DPP6: variants seen among roughly 807,000 people sequenced by gnomAD.
The protein encoded by DPP6 is A-type potassium channel modulatory protein DPP6.
Under a neutral mutation model 122.6 loss-of-function variants are expected in DPP6, and 69 were observed. The observed-to-expected ratio is 0.56, with a 90% confidence interval of 0.46 to 0.69. The LOEUF (loss-of-function observed/expected upper bound fraction) is 0.69. Ranked by LOEUF, DPP6 falls within the 30% of genes least tolerant of loss-of-function variation. The pLI is 0.00. For synonymous variants in DPP6, 418 were observed against 433.1 expected, an observed-to-expected ratio of 0.97 and a Z score of 0.43; for missense variants, 928 against 1,116.9, an observed-to-expected ratio of 0.83 and a Z score of 2.41.
At chr7:154,121,812 A>G (rs71532674) in intron 1 of DPP6, among the ~76,000 whole-genome samples, 2 of 152,214 alleles carry the variant, frequency 1.3e-5, no homozygotes, top group African/African-American at 4.8e-5. Flanking sequence ...AGGTGTTCCC[A>G]CCAGAGCATG....
intron 1 of DPP6, among the ~76,000 whole-genome samples, chr7:154,167,809 C>T (rs1797330762): frequency 6.6e-6 from 1 of 152,070 alleles, no homozygotes; most frequent in African/African-American, 2.4e-5. Context: ...TTTGCTAAAC[C>T]CTACAAACTG....
chr7:154,393,376 T>C (rs1814792532), intron 1 of DPP6, among the ~76,000 whole-genome samples: 1 of 152,198 alleles, frequency 6.6e-6, no homozygotes, highest in Non-Finnish European at 1.5e-5. Flanking sequence ...GAGCCTGGTA[T>C]GTGGACCAAG....
rs954659292 is a variant in DPP6 at position 154,481,379 on chromosome 7, G to C, written c.457+6342G>C. 2.0e-5 allele frequency among the ~76,000 whole-genome samples: 3 copies of C among 148,056 alleles called. No homozygotes were observed. Among genetic ancestry groups the C allele is most frequent in the African/African-American group, 7.5e-5 (3 of 39,996 alleles). On this transcript the variant is annotated intron_variant, in intron 3 of 25. Coordinates refer to ENST00000377770, the MANE Select transcript of DPP6 (RefSeq NM_130797.4). The surrounding 1 kb of genome is among the most constrained non-coding windows in gnomAD (Gnocchi z 4.2). ...TGTGTGTGTGTGTGTGTGTGTCTGT[G>C]TGTGTGTGCATGTCAGTCACTGGCT...
Position 154,231,978 on chromosome 7 carries a change from C to T in DPP6, c.243+178915C>T, listed in dbSNP as rs569035419. 4.6e-5 allele frequency among the ~76,000 whole-genome samples: 7 copies of T among 152,240 alleles called. No individual in the cohort carries two copies. In the East Asian group the frequency reaches 7.7e-4, roughly 17 times the overall value. ...TCGCATCCAGAGGCTACAGGGTTGC[C>T]GTGTGATAGGAGCCACCTGGGCAGG... On this transcript the variant is annotated intron_variant, in intron 1 of 25. Coordinates refer to ENST00000377770, the MANE Select transcript of DPP6 (RefSeq NM_130797.4).
intron 1 of DPP6, among the ~76,000 whole-genome samples, chr7:154,202,559 C>G (rs1204527324): frequency 6.6e-6 from 1 of 152,194 alleles, no homozygotes; most frequent in Non-Finnish European, 1.5e-5. Flanking sequence ...CGTGATTCCA[C>G]TCCTCCATCC....
intron 2 of DPP6, among the ~76,000 whole-genome samples, chr7:154,453,892 G>A (rs1820603191): frequency 6.6e-6 from 1 of 151,848 alleles, no homozygotes; most frequent in African/African-American, 2.4e-5. Flanking sequence ...AACCTATATT[G>A]GATTATCTTA....
intron 7 of DPP6, among the ~76,000 whole-genome samples, chr7:154,693,604 T>C: frequency 6.6e-6 from 1 of 152,144 alleles, no homozygotes; most frequent in South Asian, 2.1e-4. Context: ...CTCACAGACT[T>C]TGGGCTTCTT....
At position 154,602,233 on chromosome 7, in the gene DPP6, GT is replaced by G. The variant is rs1833433354; in HGVS notation, c.627+35318del. Among the ~76,000 whole-genome samples, 2 of 120,048 alleles carry G rather than the reference GT, an allele frequency of 1.7e-5. 1 individual carries two copies. The highest frequency in any genetic ancestry group is 5.3e-5 in the African/African-American group (2 of 37,758). The allele number at this position is 120,048 out of a possible 152,430, so 78.8% of individuals were successfully genotyped here. On this transcript the variant is annotated intron_variant, in intron 5 of 25. Transcript: ENST00000377770. The stretch of plus-strand genomic sequence containing the variant: ...ATTGATGGACCACTTTTGGTATATC[GT>G]GTAAAAGCCTACAGCAGTATTCTTC...
chr7:153,996,218 A>G (rs567050946), intron 1 of DPP6, among the ~76,000 whole-genome samples: 1 of 152,328 alleles, frequency 6.6e-6, no homozygotes, highest in African/African-American at 2.4e-5. Flanking sequence ...GAGAAGTACA[A>G]ATGTCTATTT....
intron 8 of DPP6, among the ~76,000 whole-genome samples, chr7:154,741,070 C>T (rs1478034206): frequency 6.6e-6 from 1 of 152,198 alleles, no homozygotes; most frequent in Non-Finnish European, 1.5e-5. Context: ...ACATACCCTT[C>T]GTCACTCGTT....
chr7:153,917,010 C>T (rs796875093), intron 1 of DPP6, among the ~76,000 whole-genome samples: 6 of 152,326 alleles, frequency 3.9e-5, no homozygotes, highest in African/African-American at 1.4e-4. Flanking sequence ...TTGCTTTTCA[C>T]ACTCGCACAC....
chr7:154,494,575 A>G (rs1489933363), intron 3 of DPP6, among the ~76,000 whole-genome samples: 1 of 152,034 alleles, frequency 6.6e-6, no homozygotes, highest in African/African-American at 2.4e-5. Context: ...TATTTCAGAT[A>G]AAACTCAGAT....
chr7:153,765,296 CTT>C, the DPP6 span, among the ~76,000 whole-genome samples: 2,854 of 152,086 alleles, frequency 0.019, 35 homozygotes, highest in African/African-American at 0.036. Flanking sequence ...AATCCCAGCA[CTT>C]TGGGAGGCCA....
chr7:154,133,803 A>T (rs1322821655), intron 1 of DPP6, among the ~76,000 whole-genome samples: 2 of 148,082 alleles, frequency 1.4e-5, no homozygotes, highest in East Asian at 4.0e-4. Flanking sequence ...TCAGTGACTC[A>T]TTCTCCCGGC....
At chr7:154,019,084 A>G (rs1445379941) in intron 1 of DPP6, among the ~76,000 whole-genome samples, 4 of 152,172 alleles carry the variant, frequency 2.6e-5, no homozygotes, top group East Asian at 1.9e-4. Context: ...TCTGTGATGC[A>G]TCTATTTAAT....
chr7:154,103,055 A>G (rs998156041), intron 1 of DPP6, among the ~76,000 whole-genome samples: 7 of 152,180 alleles, frequency 4.6e-5, no homozygotes, highest in Non-Finnish European at 7.3e-5. Flanking sequence ...GTGTTCTCCA[A>G]ACAGACATTT....
intron 1 of DPP6, among the ~76,000 whole-genome samples, chr7:154,411,027 T>G (rs1279244895): frequency 6.6e-6 from 1 of 152,150 alleles, no homozygotes; most frequent in South Asian, 2.1e-4. Flanking sequence ...AAATTTCCAT[T>G]ACATCAGATA....
intron 1 of DPP6, among the ~76,000 whole-genome samples, chr7:153,913,904 A>G (rs1422806554): frequency 6.6e-6 from 1 of 152,160 alleles, no homozygotes; most frequent in Non-Finnish European, 1.5e-5. Flanking sequence ...ATATAGTAGA[A>G]ATACGGACTT....
chr7:154,441,447 A>G (rs527278124), intron 1 of DPP6, among the ~76,000 whole-genome samples: 1 of 152,354 alleles, frequency 6.6e-6, no homozygotes, highest in East Asian at 1.9e-4. Context: ...GATAACACCT[A>G]TGCAATCAGT....
Sources: allele counts gnomAD v4.1 joint callset (sites outside exome capture counted in the v4.1 genomes callset), GRCh38; gene constraint gnomAD v4.1.1; non-coding constraint Gnocchi (gnomAD v3.1); transcripts MANE v1.5; gene names NCBI Gene and HGNC (gene_info 2026-07-23, HGNC 2026-07-21).